Variants in HABP4 observed in about 807,000 individuals in gnomAD.
The protein encoded by HABP4 is hyaluronan binding protein 4.
Under a neutral mutation model 44.1 loss-of-function variants are expected in HABP4, and 32 were observed. The ratio of observed to expected loss-of-function variants is 0.73; its 90% CI spans 0.55 to 0.97. The LOEUF (loss-of-function observed/expected upper bound fraction) is 0.97. Ranked by LOEUF, HABP4 falls within the 50% of genes least tolerant of loss-of-function variation. The pLI is 0.00. For synonymous variants in HABP4, 216 were observed against 218.0 expected (o/e 0.99, Z 0.08); for missense variants, 503 against 561.9 (o/e 0.90, Z 1.06).
At chr9:96,451,824 TAC>T (rs1385815307) in intron 1 of HABP4, among the ~76,000 whole-genome samples, 1 of 152,242 alleles carries the variant, frequency 6.6e-6, no homozygotes, top group Non-Finnish European at 1.5e-5. Flanking sequence ...AGACTGGAGA[TAC>T]ATTGTGCATT....
At chr9:96,451,491 C>T (rs756076853) in intron 1 of HABP4, 29 of 984,210 alleles carry the variant, frequency 2.9e-5, no homozygotes, top group Non-Finnish European at 3.4e-5. Flanking sequence ...CCAAGGTTTG[C>T]AGAGTGTTAG....
intron 2 of HABP4, among the ~76,000 whole-genome samples, chr9:96,458,784 G>C (rs180756850): frequency 1.3e-5 from 2 of 152,076 alleles, no homozygotes; most frequent in African/African-American, 2.4e-5. Context: ...CACCACGCCC[G>C]GCTAATTTTG....
At chr9:96,479,710 C>T (rs574475153) in intron 5 of HABP4, among the ~76,000 whole-genome samples, 1 of 152,042 alleles carries the variant, frequency 6.6e-6, no homozygotes, top group Non-Finnish European at 1.5e-5. Context: ...GGGATTTCAC[C>T]ATGTTGGCCA....
At chr9:96,455,224 G>T (rs1162114627) in intron 1 of HABP4, among the ~76,000 whole-genome samples, 2 of 152,124 alleles carry the variant, frequency 1.3e-5, no homozygotes, top group African/African-American at 4.8e-5. Flanking sequence ...GTCGAGGCAG[G>T]TGGGTCACCT....
At chr9:96,459,674 C>A (rs967857974) in intron 2 of HABP4, among the ~76,000 whole-genome samples, 3 of 152,098 alleles carry the variant, frequency 2.0e-5, no homozygotes, top group Non-Finnish European at 4.4e-5. Flanking sequence ...AATTCCATTC[C>A]ATTTAGGATT....
chr9:96,482,186 C>T (rs1266716337), intron 5 of HABP4, among the ~76,000 whole-genome samples: 1 of 152,154 alleles, frequency 6.6e-6, no homozygotes, highest in African/African-American at 2.4e-5. Flanking sequence ...GATCCGCCTG[C>T]CTCAGCCTCC....
intron 4 of HABP4, among the ~76,000 whole-genome samples, chr9:96,469,175 C>G (rs1832654093): frequency 6.6e-6 from 1 of 152,170 alleles, no homozygotes; most frequent in South Asian, 2.1e-4. Flanking sequence ...TAGAATTTTT[C>G]CATCTGCAAT....
chr9:96,463,747 A>G (rs1466503058), intron 2 of HABP4, among the ~76,000 whole-genome samples: 1 of 152,118 alleles, frequency 6.6e-6, no homozygotes, highest in East Asian at 1.9e-4. Context: ...TTTTTTGAGT[A>G]AGGAAGATTG....
intron 1 of HABP4, among the ~76,000 whole-genome samples, chr9:96,454,474 G>GGC (rs1832338860): frequency 1.5e-5 from 2 of 134,566 alleles, no homozygotes; most frequent in Admixed American, 8.0e-5. Flanking sequence ...TTTTTGAGAC[G>GGC]GAGTCTCGCT....
intron 7 of HABP4, among the ~76,000 whole-genome samples, chr9:96,489,439 T>A (rs536733972): frequency 1.9e-4 from 23 of 122,186 alleles, no homozygotes; most frequent in Non-Finnish European, 2.8e-4. Context: ...CAGGTCACAC[T>A]GTTTCCCAAT....
rs1241655923 is a variant in HABP4 at position 96,488,244 on chromosome 9, A to G, written c.1155A>G (p.Ala385=). Residue 385 remains alanine, a synonymous_variant, in exon 7 of 8, where the codon GCA becomes GCG. Coordinates refer to ENST00000375249, the MANE Select transcript of HABP4 (RefSeq NM_014282.4). The surrounding 1 kb of genome is among the most constrained non-coding windows in gnomAD (Gnocchi z 4.6). The part of the protein sequence containing the change: ...TRGGRGRIRR[A]ENYGPRAEVV... ...GAGGCCGGGGAAGGATCAGGAGGGC[A>G]GAGAACTATGGACCCAGAGCAGAAG... 1.6e-5 allele frequency: 26 copies of G among 1,613,724 alleles called. No individual in the cohort carries two copies. Among genetic ancestry groups the G allele is most frequent in the Non-Finnish European group, 2.1e-5 (25 of 1,179,804 alleles).
At chr9:96,459,631 A>G (rs1313110408) in intron 2 of HABP4, among the ~76,000 whole-genome samples, 1 of 152,224 alleles carries the variant, frequency 6.6e-6, no homozygotes, top group African/African-American at 2.4e-5. Context: ...CAAGGGAGCC[A>G]TTTTTCCAAA....
At chr9:96,469,526 T>G (rs533470330) in intron 4 of HABP4, among the ~76,000 whole-genome samples, 1 of 152,150 alleles carries the variant, frequency 6.6e-6, no homozygotes. Context: ...CCAACATTGG[T>G]GATTTACCTT....
intron 4 of HABP4, among the ~76,000 whole-genome samples, chr9:96,470,105 C>G (rs1832668961): frequency 1.3e-5 from 2 of 152,244 alleles, no homozygotes; most frequent in South Asian, 4.1e-4. Context: ...CCCAGGAGTT[C>G]AAGACCAGCC....
chr9:96,465,004 C>G (rs1436207753), intron 2 of HABP4, among the ~76,000 whole-genome samples: 1 of 152,072 alleles, frequency 6.6e-6, no homozygotes, highest in African/African-American at 2.4e-5. Context: ...AAGGAATGCC[C>G]CATTCAGATT....
chr9:96,456,780 AATATATATAT>A (rs71368267), intron 1 of HABP4, among the ~76,000 whole-genome samples: 1,019 of 44,708 alleles, frequency 0.023, 63 homozygotes, highest in African/African-American at 0.069. Flanking sequence ...AAAAAAAAAA[AATATATATAT>A]ATATATATAT....
At chr9:96,485,042 GA>G (rs1263251117) in intron 6 of HABP4, among the ~76,000 whole-genome samples, 1 of 152,006 alleles carries the variant, frequency 6.6e-6, no homozygotes, top group East Asian at 1.9e-4. Flanking sequence ...GCATTTCACT[GA>G]GTAGTTGATG....
chr9:96,452,246 T>A (rs1035481137), intron 1 of HABP4, among the ~76,000 whole-genome samples: 3 of 150,140 alleles, frequency 2.0e-5, no homozygotes, highest in African/African-American at 7.4e-5. Flanking sequence ...AAAAAAAAAA[T>A]TCTGTGCTTC....
intron 1 of HABP4, among the ~76,000 whole-genome samples, chr9:96,457,289 C>T (rs1832411564): frequency 6.6e-6 from 1 of 151,762 alleles, no homozygotes; most frequent in Non-Finnish European, 1.5e-5. Context: ...TGCAGTGAGC[C>T]GAGATCGGGC....
Sources: gnomAD v4.1 joint callset for allele counts (sites outside exome capture counted in the v4.1 genomes callset) on GRCh38, gnomAD v4.1.1 for gene constraint, Gnocchi (gnomAD v3.1) non-coding constraint, MANE v1.5 for transcripts, NCBI Gene and HGNC (gene_info 2026-07-23, HGNC 2026-07-21) for gene names.